The following CHL1 variants were observed in gnomAD, a reference collection of about 807,000 sequenced individuals.
The protein encoded by CHL1 is neural cell adhesion molecule L1-like protein.
CHL1 carries 96 observed loss-of-function variants against 141.9 expected under a neutral mutation model. The ratio of observed to expected loss-of-function variants is 0.68; its 90% CI spans 0.57 to 0.80. CHL1 has a LOEUF of 0.80. Among genes scored for constraint, CHL1 ranks in the 30% least tolerant of loss-of-function variants. The probability of loss-of-function intolerance (pLI) is 0.00; values close to 1 mark genes in which losing one functional copy is unlikely to be tolerated. For synonymous variants in CHL1, 613 were observed against 502.2 expected, an observed-to-expected ratio of 1.22 and a Z score of -2.95; for missense variants, 1,820 against 1,457.2, an observed-to-expected ratio of 1.25 and a Z score of -4.05.
intron 2 of CHL1, among the ~76,000 whole-genome samples, chr3:245,959 A>C (rs76261264): frequency 9.9e-5 from 15 of 152,262 alleles, no homozygotes; most frequent in African/African-American, 3.6e-4. Flanking sequence ...CTTTCTAACC[A>C]CAGGGCATCT....
intron 2 of CHL1, among the ~76,000 whole-genome samples, chr3:313,773 G>C (rs964689669): frequency 2.6e-5 from 4 of 152,124 alleles, no homozygotes; most frequent in African/African-American, 4.8e-5. Flanking sequence ...ACAGTCTCCA[G>C]TGGAAACATA....
At chr3:342,832 T>C in intron 7 of CHL1, 152 bp from the exon 8 acceptor site, 1 of 562,464 alleles carries the variant, frequency 1.8e-6, no homozygotes, top group South Asian at 2.6e-5. Flanking sequence ...ATTTTCTATG[T>C]AAAACTATAT....
intron 15 of CHL1, chr3:373,480 G>C (rs1451242315): frequency 1.3e-5 from 2 of 152,546 alleles, no homozygotes; most frequent in Non-Finnish European, 2.9e-5. Flanking sequence ...GCTCCAGCAG[G>C]GGAGAAAGCA....
chr3:333,138 T>TTTTTTTTTTTTTTTTTTTTTTTTA (rs1701590002), intron 5 of CHL1, among the ~76,000 whole-genome samples: 1 of 139,324 alleles, frequency 7.2e-6, no homozygotes, highest in African/African-American at 2.6e-5. Context: ...TTTTTATTTT[T>TTTTTTTTTTTTTTTTTTTTTTTTA]TTTTTTTGCT....
chr3:340,727 TAAGA>T, intron 5 of CHL1, 63 bp from the exon 6 acceptor site: 1 of 1,284,270 alleles, frequency 7.8e-7, no homozygotes, highest in Non-Finnish European at 1.1e-6. Context: ...AAGAACATAT[TAAGA>T]TATTTGTTGT....
At position 340,987 on chromosome 3, in the gene CHL1, A is replaced by C. The variant is rs1291302841; in HGVS notation, c.508+71A>C. The C allele has an allele frequency of 4.8e-6, 7 of 1,448,082 alleles. No individual in the cohort carries two copies. The African/African-American group carries it at 1.0e-4, about 21-fold the overall frequency. 89.7% of individuals were successfully genotyped at this position (1,448,082 alleles called of 1,614,324 possible). A position where few individuals can be genotyped will look rare whatever the true frequency, so the allele number is the denominator to read the frequency against. ...TATCCATCATATCAATAACATAATGAATCCAAAGACAAAATAAAAAATAAA... is the reference window on the plus strand; with the variant it reads ...TATCCATCATATCAATAACATAATGCATCCAAAGACAAAATAAAAAATAAA... On this transcript the variant is annotated intron_variant, in intron 6 of 27. Transcript: ENST00000256509.
chr3:271,524 A>G (rs1439330902), intron 2 of CHL1, among the ~76,000 whole-genome samples: 2 of 152,228 alleles, frequency 1.3e-5, no homozygotes, highest in Non-Finnish European at 2.9e-5. Flanking sequence ...ATATTACATG[A>G]GGTATCCAAA....
chr3:373,120 T>C (rs535913300), intron 15 of CHL1, among the ~76,000 whole-genome samples: 1 of 152,212 alleles, frequency 6.6e-6, no homozygotes, highest in Non-Finnish European at 1.5e-5. Flanking sequence ...ATAAAGCACT[T>C]TGTCCCTTGG....
intron 20 of CHL1, among the ~76,000 whole-genome samples, chr3:389,726 T>C (rs930043379): frequency 6.6e-6 from 1 of 152,172 alleles, no homozygotes; most frequent in Non-Finnish European, 1.5e-5. Context: ...TCTTTCTACA[T>C]TGAAAATTGA....
chr3:379,086 C>T (rs979779207), intron 16 of CHL1, among the ~76,000 whole-genome samples: 1 of 152,054 alleles, frequency 6.6e-6, no homozygotes, highest in African/African-American at 2.4e-5. Flanking sequence ...TATCAACAGA[C>T]CTTTGTGTCT....
At chr3:224,537 G>A (rs564747092) in intron 1 of CHL1, among the ~76,000 whole-genome samples, 2 of 152,104 alleles carry the variant, frequency 1.3e-5, no homozygotes, top group East Asian at 3.9e-4. Context: ...CCCCAACTAA[G>A]TCTCTCTCTA....
intron 5 of CHL1, among the ~76,000 whole-genome samples, chr3:337,797 G>A (rs576229167): frequency 7.0e-4 from 107 of 152,238 alleles, no homozygotes; most frequent in East Asian, 2.7e-3. Flanking sequence ...GTTGGTTGCA[G>A]GTCTTTACTA....
intron 2 of CHL1, among the ~76,000 whole-genome samples, chr3:286,978 C>A (rs1475121958): frequency 6.6e-6 from 1 of 152,036 alleles, no homozygotes; most frequent in Non-Finnish European, 1.5e-5. Context: ...AGCTTCTTCA[C>A]CGCCACCTGT....
At chr3:275,900 A>G (rs1266217304) in intron 2 of CHL1, among the ~76,000 whole-genome samples, 1 of 152,050 alleles carries the variant, frequency 6.6e-6, no homozygotes, top group East Asian at 1.9e-4. Context: ...GTATATATAT[A>G]CTATGTGCCA....
chr3:226,403 T>C lies in CHL1; in HGVS notation c.-174-18210T>C, dbSNP rs139664877. ...ATATATATACTTATATATTATATAA[T>C]ATATAATTATACACACATATATATT... is the stretch of plus-strand genomic sequence containing the variant. On this transcript the variant is annotated intron_variant, in intron 1 of 27. Transcript: ENST00000256509. Among the ~76,000 whole-genome samples the C allele has an allele frequency of 2.2e-3, 323 of 147,458 alleles. 1 individual carries two copies. The highest frequency in any genetic ancestry group is 5.2e-3 in the Admixed American group (77 of 14,686).
intron 2 of CHL1, among the ~76,000 whole-genome samples, chr3:280,859 G>GTCTT (rs1457272777): frequency 1.1e-4 from 16 of 151,860 alleles, no homozygotes; most frequent in African/African-American, 3.6e-4. Flanking sequence ...AATAGTAAGT[G>GTCTT]TCTTTGTTAA....
chr3:222,063 C>T (rs956616904), intron 1 of CHL1, among the ~76,000 whole-genome samples: 1 of 152,134 alleles, frequency 6.6e-6, no homozygotes, highest in Non-Finnish European at 1.5e-5. Context: ...TATTGGTCCC[C>T]AAAATTAAAA....
chr3:219,393 G>T (rs1025974533), intron 1 of CHL1, among the ~76,000 whole-genome samples: 2 of 152,074 alleles, frequency 1.3e-5, no homozygotes, highest in Non-Finnish European at 2.9e-5. Flanking sequence ...GTTCATTGCA[G>T]CACTATTCAC....
chr3:266,350 T>C (rs1490586415), intron 2 of CHL1, among the ~76,000 whole-genome samples: 1 of 152,162 alleles, frequency 6.6e-6, no homozygotes, highest in Non-Finnish European at 1.5e-5. Context: ...AGGAAAGCGA[T>C]ACAATTTCTA....
Sources: allele counts gnomAD v4.1 joint callset (sites outside exome capture counted in the v4.1 genomes callset), GRCh38; gene constraint gnomAD v4.1.1; transcripts MANE v1.5; gene names NCBI Gene and HGNC (gene_info 2026-07-23, HGNC 2026-07-21).